The following ORC5 variants were observed in gnomAD, a reference collection of about 807,000 sequenced individuals.
The protein encoded by ORC5 is protein phosphatase 1, regulatory subunit 117.
ORC5 carries 39 observed loss-of-function variants against 58.8 expected under a neutral mutation model. That is an observed-to-expected ratio of 0.66 (90% confidence interval 0.51 to 0.87). ORC5 has a LOEUF of 0.87. Among genes scored for constraint, ORC5 ranks in the 40% least tolerant of loss-of-function variants. The pLI, the probability that ORC5 is intolerant of heterozygous loss-of-function variation, is 0.00. For missense variants in ORC5, 493 were observed against 506.3 expected, an observed-to-expected ratio of 0.97 and a Z score of 0.25; for synonymous variants, 218 against 177.6, an observed-to-expected ratio of 1.23 and a Z score of -1.81.
At chr7:104,155,093 G>A (rs945802141) in intron 12 of ORC5, among the ~76,000 whole-genome samples, 8 of 151,756 alleles carry the variant, frequency 5.3e-5, no homozygotes, top group African/African-American at 1.9e-4. Flanking sequence ...TAAATGAGTA[G>A]TAAGGTTGTC....
intron 8 of ORC5, among the ~76,000 whole-genome samples, chr7:104,173,542 C>T (rs1016303269): frequency 2.0e-5 from 3 of 152,188 alleles, no homozygotes; most frequent in Admixed American, 6.5e-5. Context: ...TTTCTGCTTC[C>T]GCAGCTCACC....
intron 5 of ORC5, among the ~76,000 whole-genome samples, chr7:104,189,346 C>T (rs934323003): frequency 1.3e-5 from 2 of 152,040 alleles, no homozygotes; most frequent in African/African-American, 4.8e-5. Context: ...CTTATAAAAC[C>T]AACAGCTTTC....
chr7:104,196,232 A>G (rs2116058635), intron 4 of ORC5, among the ~76,000 whole-genome samples: 1 of 152,308 alleles, frequency 6.6e-6, no homozygotes, highest in East Asian at 1.9e-4. Context: ...TCTACACTGA[A>G]AAGGCAAGAA....
At chr7:104,150,036 T>A (rs1798820155) in intron 12 of ORC5, among the ~76,000 whole-genome samples, 2 of 152,240 alleles carry the variant, frequency 1.3e-5, no homozygotes, top group South Asian at 4.1e-4. Flanking sequence ...CAATAGGAGT[T>A]CATGTACCAC....
chr7:104,183,976 G>C lies in ORC5; in HGVS notation c.791C>G (p.Ala264Gly). 6.2e-7 allele frequency: 1 copy of C among 1,613,340 alleles called. No homozygotes were observed. Among genetic ancestry groups the C allele is most frequent in the Non-Finnish European group, 8.5e-7 (1 of 1,179,568 alleles). The change falls in exon 8 of 14, where the codon GCT (alanine) becomes GGT (glycine). Residue 264 changes from alanine to glycine, a missense_variant. Transcript: ENST00000297431. Reference sequence around the variant, plus strand: ...TTCCCTGAGATAAACAGTCTGCATAGCTTTCTTCAAATGAGGTTCAATATT... The same window carrying C: ...TTCCCTGAGATAAACAGTCTGCATACCTTTCTTCAAATGAGGTTCAATATT... Reference protein sequence around the residue: ...WRNIEPHLKKAMQTVYLREIS... With the variant: ...WRNIEPHLKKGMQTVYLREIS...
At chr7:104,141,250 C>T (rs1798668353) in intron 12 of ORC5, among the ~76,000 whole-genome samples, 1 of 152,054 alleles carries the variant, frequency 6.6e-6, no homozygotes, top group African/African-American at 2.4e-5. Flanking sequence ...GACTCTTTGC[C>T]CATTAACTTA....
chr7:104,135,261 T>A (rs1053016397), intron 13 of ORC5, among the ~76,000 whole-genome samples: 3 of 152,168 alleles, frequency 2.0e-5, no homozygotes, highest in Admixed American at 6.5e-5. Flanking sequence ...AAAGTTCCAA[T>A]ATAATTGCTT....
chr7:104,173,321 T>C (rs1248193600), intron 8 of ORC5, among the ~76,000 whole-genome samples: 2 of 152,240 alleles, frequency 1.3e-5, no homozygotes, highest in African/African-American at 4.8e-5. Flanking sequence ...TGCCTCTCTT[T>C]ACCTTCCTGA....
At position 104,183,934 on chromosome 7, in the gene ORC5, G is replaced by C. The variant is rs1174711248; in HGVS notation, c.824+9C>G. 1 of 1,579,542 alleles carries C rather than the reference G, an allele frequency of 6.3e-7. No individual in the cohort carries two copies. Among genetic ancestry groups the C allele is most frequent in the Non-Finnish European group, 8.7e-7 (1 of 1,152,422 alleles). The stretch of plus-strand genomic sequence containing the variant: ...TAAAAACTAGTATGCATACTAAATA[G>C]AAAATTACCTTGATATTTCCCTGAG... On this transcript the variant is annotated intron_variant, in intron 8 of 13. Coordinates refer to ENST00000297431, the MANE Select transcript of ORC5 (RefSeq NM_002553.4).
chr7:104,163,436 A>C (rs955390434), intron 11 of ORC5, among the ~76,000 whole-genome samples: 6 of 152,210 alleles, frequency 3.9e-5, no homozygotes, highest in Non-Finnish European at 8.8e-5. Context: ...TGTTGTAAGC[A>C]ACATAAAAAC....
chr7:104,171,885 C>T (rs1225322653), intron 8 of ORC5, among the ~76,000 whole-genome samples: 1 of 152,002 alleles, frequency 6.6e-6, no homozygotes, highest in African/African-American at 2.4e-5. Flanking sequence ...AACAAAATGT[C>T]ACTTTGATTC....
At chr7:104,205,084 C>CTTT (rs769195880) in intron 1 of ORC5, among the ~76,000 whole-genome samples, 7 of 102,392 alleles carry the variant, frequency 6.8e-5, no homozygotes, top group African/African-American at 2.0e-4. Flanking sequence ...TTTAATAATA[C>CTTT]TCTTTTTTTT....
intron 13 of ORC5, among the ~76,000 whole-genome samples, chr7:104,132,131 A>T (rs760390474): frequency 3.9e-5 from 6 of 152,126 alleles, no homozygotes; most frequent in Non-Finnish European, 7.3e-5. Flanking sequence ...CATACCACTG[A>T]AAGTGTTCTG....
chr7:104,136,823 T>A lies in ORC5; in HGVS notation c.1220A>T (p.Tyr407Phe), dbSNP rs769929924. 1 of 1,613,940 alleles carries A rather than the reference T, an allele frequency of 6.2e-7. No individual in the cohort carries two copies. Among genetic ancestry groups the A allele is most frequent in the Non-Finnish European group, 8.5e-7 (1 of 1,179,806 alleles). ...GAAGTCTAGAGACACTGTGCATTTG[T>A]ATTTTGGTCCATCAAGCTGATCGTC... Reference protein sequence around the residue: ...GHDDQLDGPKYKCTVSLDFIR... With the variant: ...GHDDQLDGPKFKCTVSLDFIR... The change falls in exon 13 of 14, where the codon TAC becomes TTC. Residue 407 changes from tyrosine (Y) to phenylalanine (F), a missense_variant. By Grantham distance (22) the Tyr-to-Phe change is conservative. Around this residue, in one of 3 missense-constraint regions of ORC5, gnomAD observed 77 missense variants for 86.1 expected, o/e 0.89. Coordinates refer to ENST00000297431, the MANE Select transcript of ORC5 (RefSeq NM_002553.4). The surrounding 1 kb of genome is among the most constrained non-coding windows in gnomAD (Gnocchi z 4.2).
At chr7:104,198,721 G>C (rs927021691) in intron 3 of ORC5, among the ~76,000 whole-genome samples, 3 of 152,252 alleles carry the variant, frequency 2.0e-5, no homozygotes, top group Non-Finnish European at 4.4e-5. Context: ...ATTCAAGCCA[G>C]CTGCAGAAAT....
In ORC5 at chr7:104,133,149, C is replaced by T. The variant is rs946589859; in HGVS notation, c.1262+3632G>A. ...TTATCCCAAGAGCTATGGGAAACTACTGAATATTTTTAATGAGCAGGGTGA... is the reference window on the plus strand; with the variant it reads ...TTATCCCAAGAGCTATGGGAAACTATTGAATATTTTTAATGAGCAGGGTGA... On this transcript the variant is annotated intron_variant, in intron 13 of 13. Coordinates refer to ENST00000297431, the MANE Select transcript of ORC5 (RefSeq NM_002553.4). The surrounding 1 kb of genome is among the most constrained non-coding windows in gnomAD (Gnocchi z 4.7). Among the ~76,000 whole-genome samples the T allele has an allele frequency of 6.6e-6, 1 of 152,032 alleles. No individual in the cohort carries two copies. Among genetic ancestry groups the T allele is most frequent in the African/African-American group, 2.4e-5 (1 of 41,368 alleles).
At chr7:104,142,716 T>A (rs921681717) in intron 12 of ORC5, among the ~76,000 whole-genome samples, 3 of 152,094 alleles carry the variant, frequency 2.0e-5, no homozygotes, top group African/African-American at 7.2e-5. Context: ...ATGTTAAACA[T>A]CAGACAAAAC....
chr7:104,181,778 C>T (rs1221452774), intron 8 of ORC5, among the ~76,000 whole-genome samples: 1 of 136,734 alleles, frequency 7.3e-6, no homozygotes, highest in Non-Finnish European at 1.6e-5. Flanking sequence ...GGCGACAGAG[C>T]GAGACTCCGT....
intron 6 of ORC5, 137 bp from the exon 7 acceptor site, chr7:104,184,308 C>T (rs1392206354): frequency 2.1e-5 from 13 of 627,856 alleles, no homozygotes; most frequent in South Asian, 1.4e-4. Context: ...TGTAATTATA[C>T]GCAGTGGCAT....
Sources: allele counts gnomAD v4.1 joint callset (sites outside exome capture counted in the v4.1 genomes callset), GRCh38; gene constraint gnomAD v4.1.1; regional missense constraint gnomAD v4.1.1; non-coding constraint Gnocchi (gnomAD v3.1); transcripts MANE v1.5; gene names NCBI Gene and HGNC (gene_info 2026-07-23, HGNC 2026-07-21).